DRC11: variants seen among roughly 807,000 people sequenced by gnomAD.
The protein encoded by DRC11 is dynein regulatory complex subunit 11, also known as IQ and AAA domain-containing protein 1.
the DRC11 span, chr2:236,324,912 T>C: frequency 3.1e-6 from 2 of 637,286 alleles, no homozygotes; most frequent in East Asian, 2.9e-5. This position sits in a 1 kb window ranked among gnomAD's most constrained non-coding sequence, Gnocchi z 5.7. Context: ...ATTTAAGGTA[T>C]GCTTGACACA....
At chr2:236,476,751 A>T in the DRC11 span, among the ~76,000 whole-genome samples, 4 of 145,078 alleles carry the variant, frequency 2.8e-5, no homozygotes, top group Non-Finnish European at 6.1e-5. This position sits in a 1 kb window ranked among gnomAD's most constrained non-coding sequence, Gnocchi z 4.7. Flanking sequence ...TATTTTTTTT[A>T]AATTGTAATT....
the DRC11 span, among the ~76,000 whole-genome samples, chr2:236,495,611 C>T: frequency 1.3e-5 from 2 of 152,092 alleles, no homozygotes; most frequent in South Asian, 2.1e-4. The surrounding 1 kb of genome is among the most constrained non-coding windows in gnomAD (Gnocchi z 5.6). Context: ...ACATAGTCTT[C>T]GGACTAAGGG....
At chr2:236,401,613 G>A in the DRC11 span, among the ~76,000 whole-genome samples, 5 of 152,208 alleles carry the variant, frequency 3.3e-5, no homozygotes, top group African/African-American at 9.6e-5. The surrounding 1 kb of genome is among the most constrained non-coding windows in gnomAD (Gnocchi z 4.6). Flanking sequence ...ACACAGACAC[G>A]GGCTACGGAG....
chr2:236,350,064 C>G, the DRC11 span, among the ~76,000 whole-genome samples: 1 of 152,310 alleles, frequency 6.6e-6, no homozygotes, highest in Admixed American at 6.5e-5. This position sits in a 1 kb window ranked among gnomAD's most constrained non-coding sequence, Gnocchi z 5.2. Flanking sequence ...TCAGCGTTAA[C>G]TTTTCTCTTT....
the DRC11 span, among the ~76,000 whole-genome samples, chr2:236,436,148 A>G: frequency 1.4e-4 from 21 of 152,338 alleles, no homozygotes; most frequent in African/African-American, 5.0e-4. Context: ...TGTAATTGCC[A>G]GTGAGTTTTA....
At chr2:236,328,621 G>A in the DRC11 span, among the ~76,000 whole-genome samples, 2 of 152,104 alleles carry the variant, frequency 1.3e-5, no homozygotes, top group African/African-American at 2.4e-5. The surrounding 1 kb of genome is among the most constrained non-coding windows in gnomAD (Gnocchi z 6.7). Context: ...CTGTCTTTGA[G>A]ATGTACCTCT....
the DRC11 span, among the ~76,000 whole-genome samples, chr2:236,357,337 A>AATAT: frequency 7.8e-5 from 9 of 115,614 alleles, no homozygotes; most frequent in African/African-American, 3.1e-4. Context: ...TTCATATATG[A>AATAT]ATATATATAT....
the DRC11 span, among the ~76,000 whole-genome samples, chr2:236,347,527 T>TATATATATA: frequency 1.4e-5 from 2 of 145,252 alleles, no homozygotes; most frequent in Non-Finnish European, 3.1e-5. Flanking sequence ...TATATATATA[T>TATATATATA]GATGGAATAC....
At chr2:236,344,525 A>G in the DRC11 span, 4 of 1,543,168 alleles carry the variant, frequency 2.6e-6, no homozygotes, top group East Asian at 6.7e-5. Flanking sequence ...GAGGAAAGAA[A>G]AGGCAAAAGT....
chr2:236,488,924 G>C, the DRC11 span, among the ~76,000 whole-genome samples: 1 of 151,890 alleles, frequency 6.6e-6, no homozygotes, highest in Admixed American at 6.6e-5. Flanking sequence ...GTGGGCTCTG[G>C]GTGCAGGTGA....
the DRC11 span, chr2:236,507,361 A>C: frequency 1.5e-6 from 2 of 1,339,820 alleles, no homozygotes; most frequent in African/African-American, 2.9e-5. Context: ...CACTACCAGG[A>C]GCTACAGAGG....
the DRC11 span, among the ~76,000 whole-genome samples, chr2:236,414,540 G>C: frequency 6.6e-6 from 1 of 152,078 alleles, no homozygotes; most frequent in Admixed American, 6.6e-5. Context: ...TGCCCAGGCT[G>C]GGTGCCAACT....
At chr2:236,497,543 CA>C in the DRC11 span, 73 of 1,326,246 alleles carry the variant, frequency 5.5e-5, no homozygotes, top group Admixed American at 1.6e-3. The surrounding 1 kb of genome is among the most constrained non-coding windows in gnomAD (Gnocchi z 5.1). Flanking sequence ...CTTGGTAAAA[CA>C]TAAACATCGG....
the DRC11 span, among the ~76,000 whole-genome samples, chr2:236,401,650 A>AG: frequency 6.6e-6 from 1 of 152,150 alleles, no homozygotes; most frequent in African/African-American, 2.4e-5. The surrounding 1 kb of genome is among the most constrained non-coding windows in gnomAD (Gnocchi z 4.6). Context: ...ACCTAGGCTG[A>AG]GAGCGTGAAG....
chr2:236,319,804 A>G, the DRC11 span, among the ~76,000 whole-genome samples: 2 of 152,216 alleles, frequency 1.3e-5, no homozygotes, highest in Admixed American at 1.3e-4. This position sits in a 1 kb window ranked among gnomAD's most constrained non-coding sequence, Gnocchi z 6.7. Context: ...CCACTTCATC[A>G]CGAACTCTCA....
At chr2:236,386,195 T>C in the DRC11 span, among the ~76,000 whole-genome samples, 145 of 150,302 alleles carry the variant, frequency 9.6e-4, 3 homozygotes, top group East Asian at 0.026. Context: ...TTAGGGAGGA[T>C]TCCCTCTTTT....
the DRC11 span, among the ~76,000 whole-genome samples, chr2:236,411,798 A>G: frequency 9.4e-5 from 14 of 148,164 alleles, no homozygotes; most frequent in African/African-American, 3.2e-4. Context: ...TCGCAAGAAC[A>G]AAAAACCAAA....
chr2:236,402,596 G>T, the DRC11 span, among the ~76,000 whole-genome samples: 1 of 152,176 alleles, frequency 6.6e-6, no homozygotes, highest in Non-Finnish European at 1.5e-5. The surrounding 1 kb of genome is among the most constrained non-coding windows in gnomAD (Gnocchi z 6.0). Flanking sequence ...AACCATGCAG[G>T]GGGAGCTGCA....
the DRC11 span, chr2:236,344,674 A>G: frequency 6.6e-7 from 1 of 1,519,652 alleles, no homozygotes; most frequent in Non-Finnish European, 9.1e-7. Context: ...CCCTGGTTGT[A>G]AATGCACTTC....
Sources: allele counts gnomAD v4.1 joint callset (sites outside exome capture counted in the v4.1 genomes callset), GRCh38; gene constraint gnomAD v4.1.1; non-coding constraint Gnocchi (gnomAD v3.1); transcripts MANE v1.5; gene names NCBI Gene and HGNC (gene_info 2026-07-23, HGNC 2026-07-21).